EXOC4: variants seen among roughly 807,000 people sequenced by gnomAD.
EXOC4 encodes the protein exocyst complex component 4, also known as SEC8-like 1.
EXOC4 carries 71 observed loss-of-function variants against 107.2 expected under a neutral mutation model. That is an observed-to-expected ratio of 0.66 (90% confidence interval 0.55 to 0.81). The LOEUF (loss-of-function observed/expected upper bound fraction) is 0.81, where lower values mean the gene tolerates loss of function less well. Among genes scored for constraint, EXOC4 ranks in the 30% least tolerant of loss-of-function variants. The probability of loss-of-function intolerance (pLI) is 0.00; values close to 1 mark genes in which losing one functional copy is unlikely to be tolerated. For missense variants in EXOC4, 1,108 were observed against 1,189.6 expected, an observed-to-expected ratio of 0.93 and a Z score of 1.01; for synonymous variants, 456 against 441.2, an observed-to-expected ratio of 1.03 and a Z score of -0.42.
At chr7:134,057,186 C>T (rs750149122) in intron 17 of EXOC4, among the ~76,000 whole-genome samples, 44 of 151,986 alleles carry the variant, frequency 2.9e-4, no homozygotes, top group Admixed American at 4.6e-4. Flanking sequence ...GGTAGATGAC[C>T]GATCAAAGAA....
intron 9 of EXOC4, among the ~76,000 whole-genome samples, chr7:133,586,654 G>A (rs1407646051): frequency 6.6e-6 from 1 of 152,076 alleles, no homozygotes; most frequent in Non-Finnish European, 1.5e-5. Flanking sequence ...GGATTGCTGG[G>A]TTGAATAGAC....
At chr7:133,352,540 G>A (rs966265380) in intron 5 of EXOC4, among the ~76,000 whole-genome samples, 4 of 151,654 alleles carry the variant, frequency 2.6e-5, no homozygotes, top group Non-Finnish European at 4.4e-5. Context: ...CCTTTGAATC[G>A]ATTTGTGCCT....
intron 17 of EXOC4, among the ~76,000 whole-genome samples, chr7:134,028,470 C>G (rs757579584): frequency 6.6e-6 from 1 of 152,164 alleles, no homozygotes; most frequent in Non-Finnish European, 1.5e-5. Context: ...AATATAAGAA[C>G]CGCAATTATG....
At chr7:133,437,363 A>T (rs1798000021) in intron 7 of EXOC4, among the ~76,000 whole-genome samples, 1 of 152,174 alleles carries the variant, frequency 6.6e-6, no homozygotes, top group Non-Finnish European at 1.5e-5. Context: ...TTCTGTTCAG[A>T]AGAAATGGAA....
At chr7:133,360,231 A>G (rs927286320) in intron 6 of EXOC4, among the ~76,000 whole-genome samples, 1 of 152,262 alleles carries the variant, frequency 6.6e-6, no homozygotes, top group Non-Finnish European at 1.5e-5. Context: ...ATTTGAAAGA[A>G]GCTGGAAGGA....
chr7:133,781,386 A>G (rs1796462794), intron 10 of EXOC4, among the ~76,000 whole-genome samples: 1 of 152,228 alleles, frequency 6.6e-6, no homozygotes. Context: ...GTTTGTCCAC[A>G]CTGAGGTGCC....
At chr7:133,449,697 T>G (rs967584159) in intron 7 of EXOC4, among the ~76,000 whole-genome samples, 1 of 150,060 alleles carries the variant, frequency 6.7e-6, no homozygotes, top group Non-Finnish European at 1.5e-5. Context: ...ATGGTGTTTT[T>G]TTCTGTAAAG....
At chr7:133,449,721 T>TTGTGTGTGTG (rs58843853) in intron 7 of EXOC4, among the ~76,000 whole-genome samples, 44,000 of 147,660 alleles carry the variant, frequency 0.3, 6,507 homozygotes, top group South Asian at 0.34. Context: ...GAAAATACAT[T>TTGTGTGTGTG]TGTGTGTGTG....
At chr7:133,754,603 T>C (rs1354346229) in intron 10 of EXOC4, among the ~76,000 whole-genome samples, 2 of 152,196 alleles carry the variant, frequency 1.3e-5, no homozygotes, top group Admixed American at 1.3e-4. Context: ...ATTTTTACTG[T>C]GATAAAATCA....
rs989908409 is a variant in EXOC4 at position 133,306,117 on chromosome 7, A to AT, written c.656+62dup. On this transcript the variant is annotated intron_variant, in intron 4 of 17. Transcript: ENST00000253861. Reference sequence around the variant, plus strand: ...GTGGCAGTGTAGGATTGGAAGGAATATTTTTTGTTTCCCAGAATGTTGTTG... The same window carrying AT: ...GTGGCAGTGTAGGATTGGAAGGAATATTTTTTTGTTTCCCAGAATGTTGTTG... 1.0e-5 allele frequency: 14 copies of AT among 1,402,558 alleles called. No homozygotes were observed. The Admixed American group carries it at 3.4e-4, about 34-fold the overall frequency. The allele number at this position is 1,402,558 out of a possible 1,614,324, so 86.9% of individuals were successfully genotyped here. A position where few individuals can be genotyped will look rare whatever the true frequency, so the allele number is the denominator to read the frequency against.
intron 9 of EXOC4, among the ~76,000 whole-genome samples, chr7:133,566,781 A>G (rs894064446): frequency 2.0e-4 from 30 of 152,318 alleles, no homozygotes; most frequent in African/African-American, 7.2e-4. Flanking sequence ...ACAAAAAGTG[A>G]CTACCACTGG....
intron 7 of EXOC4, among the ~76,000 whole-genome samples, chr7:133,463,289 C>G (rs745990085): frequency 6.6e-6 from 1 of 152,130 alleles, no homozygotes; most frequent in Admixed American, 6.5e-5. Flanking sequence ...GGAGCTCCCC[C>G]GCTTTGGTGC....
chr7:133,536,453 G>T (rs778132764), intron 9 of EXOC4, among the ~76,000 whole-genome samples: 102 of 151,990 alleles, frequency 6.7e-4, no homozygotes, highest in Non-Finnish European at 1.2e-3. Flanking sequence ...TATGTTTCCA[G>T]CCAGCCTTCT....
intron 9 of EXOC4, among the ~76,000 whole-genome samples, chr7:133,513,098 T>G (rs1351502058): frequency 6.6e-6 from 1 of 152,146 alleles, no homozygotes; most frequent in Non-Finnish European, 1.5e-5. Flanking sequence ...GAGCAAGACT[T>G]CATCTCAAAA....
Position 134,039,521 on chromosome 7 carries a change from T to TA in EXOC4, c.2688-24769dup, listed in dbSNP as rs1795466179. Among the ~76,000 whole-genome samples, 3 of 152,308 alleles carry TA rather than the reference T, an allele frequency of 2.0e-5. No individual in the cohort carries two copies. The South Asian group carries it at 6.2e-4, about 32-fold the overall frequency. ...AGGGATCAGAACAGGCAATCACACATACTAATGCTGAAATAAAATCATATT... is the reference window on the plus strand; with the variant it reads ...AGGGATCAGAACAGGCAATCACACATAACTAATGCTGAAATAAAATCATATT... On this transcript the variant is annotated intron_variant, in intron 17 of 17. Transcript: ENST00000253861.
intron 7 of EXOC4, among the ~76,000 whole-genome samples, chr7:133,389,824 G>T (rs1404131552): frequency 3.3e-5 from 5 of 151,372 alleles, no homozygotes. Flanking sequence ...GTTCCATGTG[G>T]CTGGGCAGCC....
At chr7:133,970,765 C>G (rs1585288915) in intron 14 of EXOC4, among the ~76,000 whole-genome samples, 2 of 152,070 alleles carry the variant, frequency 1.3e-5, no homozygotes, top group Non-Finnish European at 2.9e-5. Context: ...TCGCTGGGAG[C>G]TACCAACCCG....
intron 12 of EXOC4, among the ~76,000 whole-genome samples, chr7:133,916,324 G>A (rs1331352229): frequency 6.6e-6 from 1 of 152,198 alleles, no homozygotes; most frequent in East Asian, 1.9e-4. Context: ...TTCCTAACAG[G>A]CCATGGACCA....
chr7:133,649,467 C>CCTT, intron 10 of EXOC4, among the ~76,000 whole-genome samples: 1 of 85,380 alleles, frequency 1.2e-5, no homozygotes, highest in Admixed American at 1.6e-4. Flanking sequence ...ACTACTTTTT[C>CCTT]TTTTTTTTTT....
Sources: gnomAD v4.1 joint callset for allele counts (sites outside exome capture counted in the v4.1 genomes callset) on GRCh38, gnomAD v4.1.1 for gene constraint, MANE v1.5 for transcripts, NCBI Gene and HGNC (gene_info 2026-07-23, HGNC 2026-07-21) for gene names.